The following NVL variants were observed in gnomAD, a reference collection of about 807,000 sequenced individuals.
NVL encodes nuclear VCP like.
Under a neutral mutation model 110.2 loss-of-function variants are expected in NVL, and 84 were observed. That is an observed-to-expected ratio of 0.76 (90% CI 0.64 to 0.91). The LOEUF (loss-of-function observed/expected upper bound fraction) is 0.91. Ranked by LOEUF, NVL falls within the 40% of genes least tolerant of loss-of-function variation. The pLI, the probability that NVL is intolerant of heterozygous loss-of-function variation, is 0.00. For synonymous variants in NVL, 354 were observed against 361.1 expected, an observed-to-expected ratio of 0.98 and a Z score of 0.22; for missense variants, 882 against 1,035.9, an observed-to-expected ratio of 0.85 and a Z score of 2.04.
chr1:224,231,748 C>T (rs866315687), intron 21 of NVL, among the ~76,000 whole-genome samples: 8 of 152,036 alleles, frequency 5.3e-5, no homozygotes, highest in South Asian at 4.1e-4. Context: ...AGCTTTAGGT[C>T]GGGCGCGGTG....
Position 224,227,498 on chromosome 1 carries a change from T to C in NVL, c.*128A>G, listed in dbSNP as rs1025109926. On this transcript the variant is annotated 3_prime_UTR_variant, in exon 23 of 23. Transcript: ENST00000281701. ...CAGCTTCAGCTTCAGCTTGGCCTCA[T>C]TCATTTGAAAATAAAATGTTTACAT... 7.8e-5 allele frequency: 49 copies of C among 629,646 alleles called. No homozygotes were observed. The highest frequency in any genetic ancestry group is 1.2e-4 in the Non-Finnish European group (48 of 404,572). 39.0% of individuals were successfully genotyped at this position (629,646 alleles called of 1,614,324 possible).
chr1:224,248,969 G>A (rs780005397), intron 19 of NVL, among the ~76,000 whole-genome samples: 1 of 152,166 alleles, frequency 6.6e-6, no homozygotes, highest in Non-Finnish European at 1.5e-5. Flanking sequence ...TGGAGAGAGC[G>A]GGTCCAGGTA....
At position 224,231,128 on chromosome 1, in the gene NVL, G is replaced by A. The variant is rs111928538; in HGVS notation, c.2526+98C>T. 4,530 of 784,248 alleles carry A rather than the reference G, an allele frequency of 5.8e-3. 117 individuals are homozygous for A. The African/African-American group carries it at 0.059, about 10-fold the overall frequency. The allele number at this position is 784,248 out of a possible 1,614,324, so 48.6% of individuals were successfully genotyped here. A position where few individuals can be genotyped will look rare whatever the true frequency, so the allele number is the denominator to read the frequency against. ...AGCATGGACGACAGAGCAAGACTCC[G>A]TCTCAAAAAAAAAAAAAAAGAGTTT... is the stretch of plus-strand genomic sequence containing the variant. On this transcript the variant is annotated intron_variant, in intron 22 of 22. Transcript: ENST00000281701.
chr1:224,288,726 C>A (rs904633752), intron 13 of NVL, among the ~76,000 whole-genome samples: 1 of 152,002 alleles, frequency 6.6e-6, no homozygotes, highest in Non-Finnish European at 1.5e-5. Context: ...AAGCTTAGTG[C>A]CTTTGATTAT....
chr1:224,329,993 C>T, intron 1 of NVL, 78 bp downstream of exon 1: 1 of 1,405,688 alleles, frequency 7.1e-7, no homozygotes, highest in Non-Finnish European at 1.0e-6. Context: ...CACCTGGATG[C>T]CACCCGACAA....
At position 224,305,820 on chromosome 1, in the gene NVL, G is replaced by A. The variant is rs191462862; in HGVS notation, c.616-654C>T. ...AGCCTCCCAAAGTGCTGGGATTACAGGCGTGAGCCGCCCTGCACGGCCCTC... is the reference window on the plus strand; with the variant it reads ...AGCCTCCCAAAGTGCTGGGATTACAAGCGTGAGCCGCCCTGCACGGCCCTC... On this transcript the variant is annotated intron_variant, in intron 6 of 22. Coordinates refer to ENST00000281701, the MANE Select transcript of NVL (RefSeq NM_002533.4). 4.5e-4 allele frequency among the ~76,000 whole-genome samples: 69 copies of A among 152,392 alleles called. 1 individual carries two copies. In the East Asian group the frequency reaches 0.011, roughly 24 times the overall value.
At chr1:224,236,833 C>T (rs1482990173) in intron 19 of NVL, among the ~76,000 whole-genome samples, 3 of 152,170 alleles carry the variant, frequency 2.0e-5, no homozygotes, top group Admixed American at 1.3e-4. Context: ...ATTGCTCAAG[C>T]CCTGGAGGTG....
chr1:224,307,577 GTAGTCT>G (rs2102716719), intron 6 of NVL, among the ~76,000 whole-genome samples: 1 of 152,148 alleles, frequency 6.6e-6, no homozygotes, highest in African/African-American at 2.4e-5. Flanking sequence ...GCACATGCCT[GTAGTCT>G]TAGTTACATG....
chr1:224,273,517 G>A (rs1422144932), intron 17 of NVL, among the ~76,000 whole-genome samples: 1 of 152,080 alleles, frequency 6.6e-6, no homozygotes. Flanking sequence ...AAAAAAGAGA[G>A]AGATAAACCA....
chr1:224,275,522 T>C (rs1053812573), intron 16 of NVL, 64 bp from the exon 17 acceptor site: 5 of 1,598,050 alleles, frequency 3.1e-6, no homozygotes, highest in African/African-American at 2.7e-5. Flanking sequence ...GGTCAAATGA[T>C]ACTAAACAGT....
rs200984793 is a variant in NVL at position 224,308,224 on chromosome 1, G to A, written c.382C>T (p.Arg128Trp). Residue 128 changes from arginine to tryptophan, a missense_variant, in exon 6 of 23, where the codon CGG (arginine) becomes TGG (tryptophan). This residue lies in a region of NVL where 274 missense variants were observed against 268.4 expected (regional missense o/e 1.02). Coordinates refer to ENST00000281701, the MANE Select transcript of NVL (RefSeq NM_002533.4). The part of the protein sequence containing the change: ...HMNSSLLSLY[R>W]KGNPDSVSNT... ...GAAACAGAATCAGGATTTCCTTTCC[G>A]ATATAAAGACAGCAGGGAACTGTTC... is the stretch of plus-strand genomic sequence containing the variant. 2.5e-5 allele frequency: 41 copies of A among 1,612,362 alleles called. No homozygotes were observed. Among genetic ancestry groups the A allele is most frequent in the East Asian group, 8.9e-5 (4 of 44,858 alleles).
chr1:224,256,989 C>G (rs752651998), intron 18 of NVL: 1 of 492,062 alleles, frequency 2.0e-6, no homozygotes, highest in Non-Finnish European at 4.2e-6. Flanking sequence ...ATTATTCTTA[C>G]AGCTTCCCAA....
At chr1:224,309,309 T>C (rs999352953) in intron 5 of NVL, among the ~76,000 whole-genome samples, 1 of 152,134 alleles carries the variant, frequency 6.6e-6, no homozygotes, top group East Asian at 1.9e-4. Flanking sequence ...GCTTGAGGCC[T>C]AGAGTTCGAG....
Position 224,268,255 on chromosome 1 carries a change from C to T in NVL, c.2083-122G>A, listed in dbSNP as rs1009059039. On this transcript the variant is annotated intron_variant, in intron 17 of 22. Coordinates refer to ENST00000281701, the MANE Select transcript of NVL (RefSeq NM_002533.4). ...AGATAACAATGATAATTTTCTGAGG[C>T]GTCACTATATGCAGACACTGTGCAA... The T allele has an allele frequency of 5.7e-6, 4 of 699,046 alleles. No homozygotes were observed. The Middle Eastern group carries it at 7.6e-4, about 133-fold the overall frequency. The allele number at this position is 699,046 out of a possible 1,614,324, so 43.3% of individuals were successfully genotyped here. A position where few individuals can be genotyped will look rare whatever the true frequency, so the allele number is the denominator to read the frequency against.
intron 10 of NVL, among the ~76,000 whole-genome samples, chr1:224,299,246 T>G (rs1399423025): frequency 6.6e-6 from 1 of 152,134 alleles, no homozygotes; most frequent in Non-Finnish European, 1.5e-5. Flanking sequence ...GGAGTAAAAT[T>G]ACAGAGGCCA....
intron 19 of NVL, among the ~76,000 whole-genome samples, chr1:224,239,717 C>T (rs1660945680): frequency 6.6e-6 from 1 of 152,180 alleles, no homozygotes; most frequent in African/African-American, 2.4e-5. Context: ...AGGTCCTGTG[C>T]ATCCTCAGAG....
chr1:224,312,840 T>G (rs1383421168), intron 4 of NVL: 2 of 150,202 alleles, frequency 1.3e-5, no homozygotes, highest in African/African-American at 4.9e-5. Context: ...AAAAAACTAT[T>G]TAAATAAGAA....
At chr1:224,285,588 TACAC>T (rs1666784060) in intron 15 of NVL, among the ~76,000 whole-genome samples, 1 of 152,146 alleles carries the variant, frequency 6.6e-6, no homozygotes. Context: ...GTGAGAGAAT[TACAC>T]ACAATGCTTT....
intron 19 of NVL, among the ~76,000 whole-genome samples, chr1:224,242,990 T>C (rs1359703520): frequency 1.3e-5 from 2 of 151,536 alleles, no homozygotes; most frequent in Non-Finnish European, 2.9e-5. Context: ...CGCACCCAGC[T>C]ACTTTTGAAT....
Sources: allele counts gnomAD v4.1 joint callset (sites outside exome capture counted in the v4.1 genomes callset), GRCh38; gene constraint gnomAD v4.1.1; regional missense constraint gnomAD v4.1.1; transcripts MANE v1.5; gene names NCBI Gene and HGNC (gene_info 2026-07-23, HGNC 2026-07-21).